The following RNF213 variants were observed in gnomAD, a reference collection of about 807,000 sequenced individuals.
RNF213 encodes the protein E3 ubiquitin-protein ligase RNF213.
RNF213 carries 341 observed loss-of-function variants against 514.4 expected under a neutral mutation model. The ratio of observed to expected loss-of-function variants is 0.66; its 90% confidence interval spans 0.61 to 0.73. RNF213 has a LOEUF of 0.73. Among genes scored for constraint, RNF213 ranks in the 30% least tolerant of loss-of-function variants. RNF213 has a pLI of 0.00. For missense variants in RNF213, 5,767 were observed against 6,615.6 expected, an observed-to-expected ratio of 0.87 and a Z score of 4.45; for synonymous variants, 2,655 against 2,658.2, an observed-to-expected ratio of 1.00 and a Z score of 0.04.
rs2144183698 is a variant in RNF213 at position 80,350,280 on chromosome 17, A to G, written c.10089-21A>G. ...TTTTTAAGACAGAGAACTCACTTGAATAACTTCCCTTTTCTTTCAGAAACT... is the reference window on the plus strand; with the variant it reads ...TTTTTAAGACAGAGAACTCACTTGAGTAACTTCCCTTTTCTTTCAGAAACT... On this transcript the variant is annotated intron_variant, in intron 30 of 67. Transcript: ENST00000582970. The G allele has an allele frequency of 2.1e-6, 3 of 1,440,280 alleles. No homozygotes were observed. The East Asian group carries it at 6.8e-5, about 33-fold the overall frequency. 89.2% of individuals were successfully genotyped at this position (1,440,280 alleles called of 1,614,324 possible). A position where few individuals can be genotyped will look rare whatever the true frequency, so the allele number is the denominator to read the frequency against.
chr17:80,398,239 A>C lies in RNF213; in HGVS notation c.*4741A>C, dbSNP rs551119119. 1 of 152,088 alleles carries C rather than the reference A, an allele frequency of 6.6e-6. No individual in the cohort carries two copies. Among genetic ancestry groups the C allele is most frequent in the African/African-American group, 2.4e-5 (1 of 41,404 alleles). 9.4% of individuals were successfully genotyped at this position (152,088 alleles called of 1,614,324 possible). On this transcript the variant is annotated 3_prime_UTR_variant, in exon 68 of 68. Transcript: ENST00000582970. ...TTTGGTTTTGATTTTGGTTTGGTGT[A>C]AACTGTAAAAGTGTGTGTGTGCCCT...
chr17:80,338,100 C>T, intron 25 of RNF213, 103 bp downstream of exon 25: 13 of 1,390,270 alleles, frequency 9.4e-6, no homozygotes, highest in Non-Finnish European at 1.3e-5. Context: ...TGGGATTTGA[C>T]TGATAAGAAG....
intron 23 of RNF213, chr17:80,336,729 T>A (rs1358558610): frequency 8.5e-6 from 3 of 351,708 alleles, no homozygotes; most frequent in East Asian, 7.5e-5. Flanking sequence ...TAGAATTTTT[T>A]ATCAGAAAAA....
rs186186109 is a variant in RNF213 at position 80,316,423 on chromosome 17, A to G, written c.2812-765A>G. The G allele has an allele frequency of 2.6e-5, 4 of 152,620 alleles. No individual in the cohort carries two copies. The South Asian group carries it at 6.2e-4, about 24-fold the overall frequency. 9.5% of individuals were successfully genotyped at this position (152,620 alleles called of 1,614,324 possible). On this transcript the variant is annotated intron_variant, in intron 15 of 67. Coordinates refer to ENST00000582970, the MANE Select transcript of RNF213 (RefSeq NM_001256071.3). ...TTCAAAACTGTCAACATGTTAAAAGAAAAAAGAAAAAAATGACCAGGGAAC... is the reference window on the plus strand; with the variant it reads ...TTCAAAACTGTCAACATGTTAAAAGGAAAAAGAAAAAAATGACCAGGGAAC...
chr17:80,389,105 T>C (rs1262954668), intron 64 of RNF213, 68 bp from the exon 65 acceptor site: 6 of 1,483,480 alleles, frequency 4.0e-6, no homozygotes, highest in Non-Finnish European at 5.6e-6. Context: ...GGCTCGGCTC[T>C]CTTACCAGGT....
Position 80,393,365 on chromosome 17 carries a change from G to A in RNF213, c.15491G>A (p.Ser5164Asn). 6.2e-7 allele frequency: 1 copy of A among 1,614,086 alleles called. No individual in the cohort carries two copies. The highest frequency in any genetic ancestry group is 8.5e-7 in the Non-Finnish European group (1 of 1,180,016). The stretch of plus-strand genomic sequence containing the variant: ...TTCAGCCTGAGAGACACTCTCGTAA[G>A]TTACATGCAAACTAAAGAAAGTGAA... Reference protein sequence around the residue: ...PQWSLRDTLVSYMQTKESEIL... With the variant: ...PQWSLRDTLVNYMQTKESEIL... The change falls in exon 68 of 68, where the codon AGT (serine) becomes AAT (asparagine). Residue 5164 changes from serine to asparagine, a missense_variant. Ser to Asn is a conservative substitution (Grantham distance 46). Coordinates refer to ENST00000582970, the MANE Select transcript of RNF213 (RefSeq NM_001256071.3).
At chr17:80,385,459 C>A in intron 60 of RNF213, 79 bp from the exon 61 acceptor site, 1 of 1,247,072 alleles carries the variant, frequency 8.0e-7, no homozygotes, top group South Asian at 1.2e-5. Flanking sequence ...GGGCTCTCGG[C>A]AGAGCATGTA....
At position 80,319,187 on chromosome 17, in the gene RNF213, C is replaced by T. The variant is rs1292550238; in HGVS notation, c.2902-3C>T. 1.2e-6 allele frequency: 2 copies of T among 1,614,116 alleles called. No homozygotes were observed. The highest frequency in any genetic ancestry group is 2.7e-5 in the African/African-American group (2 of 75,032). Reference sequence around the variant, plus strand: ...TGAAACCACCCCCCTTTGATTTTTGCAGGAGGAACCCCTCTCCCAGATCAC... The same window carrying T: ...TGAAACCACCCCCCTTTGATTTTTGTAGGAGGAACCCCTCTCCCAGATCAC... On this transcript the variant is annotated splice_region_variant and splice_polypyrimidine_tract_variant and intron_variant, in intron 16 of 67. Transcript: ENST00000582970.
intron 15 of RNF213, chr17:80,316,378 A>G (rs1401972912): frequency 6.6e-6 from 1 of 152,342 alleles, no homozygotes; most frequent in Non-Finnish European, 1.5e-5. Context: ...GACAGTTTAC[A>G]AAACAGTTGG....
rs747785477 is a variant in RNF213 at position 80,340,609 on chromosome 17, G to GTTTT, written c.5989+279_5989+282dup. Reference sequence around the variant, plus strand: ...AAACATCTCTGCAGTGTACTTTGTGGTTTTTTTTTTTTTTTTTTTTTTTTT... The same window carrying GTTTT: ...AAACATCTCTGCAGTGTACTTTGTGGTTTTTTTTTTTTTTTTTTTTTTTTTTTTT... On this transcript the variant is annotated intron_variant, in intron 26 of 67. Transcript: ENST00000582970. The GTTTT allele has an allele frequency of 2.7e-3, 352 of 129,998 alleles. 3 individuals are homozygous for GTTTT. Among genetic ancestry groups the GTTTT allele is most frequent in the Admixed American group, 0.01 (77 of 7,568 alleles). 8.1% of individuals were successfully genotyped at this position (129,998 alleles called of 1,614,324 possible). A position where few individuals can be genotyped will look rare whatever the true frequency, so the allele number is the denominator to read the frequency against.
chr17:80,323,011 TA>T (rs1158733462), intron 17 of RNF213, among the ~76,000 whole-genome samples: 1 of 152,256 alleles, frequency 6.6e-6, no homozygotes, highest in East Asian at 1.9e-4. Context: ...TTTATAGTTT[TA>T]GCTCTTACAT....
intron 59 of RNF213, among the ~76,000 whole-genome samples, chr17:80,384,470 TTGTC>T (rs1479606067): frequency 6.6e-6 from 1 of 152,190 alleles, no homozygotes; most frequent in East Asian, 1.9e-4. Flanking sequence ...CTACAACACA[TTGTC>T]TAAACATTTC....
chr17:80,267,824 C>CTT (rs71163943), intron 2 of RNF213, among the ~76,000 whole-genome samples: 3,946 of 144,920 alleles, frequency 0.027, 155 homozygotes, highest in African/African-American at 0.086. Context: ...ATTTTCTTTT[C>CTT]TTTTTTTTTT....
chr17:80,325,265 G>T (rs2046250041), intron 18 of RNF213, 67 bp downstream of exon 18: 2 of 1,431,858 alleles, frequency 1.4e-6, no homozygotes, highest in Non-Finnish European at 1.9e-6. Flanking sequence ...TGGGAAAGGT[G>T]GGAGGCAGAA....
chr17:80,380,464 C>A (rs2079946537), intron 55 of RNF213, among the ~76,000 whole-genome samples: 1 of 152,172 alleles, frequency 6.6e-6, no homozygotes, highest in African/African-American at 2.4e-5. Context: ...ACAATATGGA[C>A]ACCCATGGGA....
Position 80,360,126 on chromosome 17 carries a change from A to G in RNF213, c.11120A>G (p.Asn3707Ser). 1 of 1,614,154 alleles carries G rather than the reference A, an allele frequency of 6.2e-7. No homozygotes were observed. Among genetic ancestry groups the G allele is most frequent in the South Asian group, 1.1e-5 (1 of 91,080 alleles). ...ATGAACCTTTCCGAGAACGCTTCCA[A>G]CAACGTCCCTTTCAGCTGGAAAATC... ...NHMNLSENAS[N>S]NVPFSWKIKD... The change falls in exon 38 of 68, where the codon AAC becomes AGC. Residue 3707 changes from asparagine (N) to serine (S), a missense_variant. Around this residue, in one of 13 missense-constraint regions of RNF213, gnomAD observed 919 missense variants for 1,121.0 expected, o/e 0.82. Transcript: ENST00000582970.
intron 67 of RNF213, 63 bp downstream of exon 67, chr17:80,390,259 T>C (rs1225019226): frequency 7.9e-6 from 12 of 1,512,852 alleles, no homozygotes; most frequent in Non-Finnish European, 1.1e-5. Context: ...TCCTGTGATC[T>C]TCTATAGACA....
intron 35 of RNF213, 35 bp downstream of exon 35, chr17:80,354,201 C>A (rs777546634): frequency 3.7e-6 from 6 of 1,608,578 alleles, no homozygotes; most frequent in Middle Eastern, 2.1e-4. Flanking sequence ...CCCCTGCCCC[C>A]ACGTGGGCTC....
chr17:80,352,915 T>C (rs2144221651), intron 32 of RNF213, 25 bp from the exon 33 acceptor site: 2 of 1,613,798 alleles, frequency 1.2e-6, no homozygotes, highest in East Asian at 2.2e-5. Flanking sequence ...ACAAAGACAG[T>C]TGTGGGTGGC....
Sources: allele counts gnomAD v4.1 joint callset (sites outside exome capture counted in the v4.1 genomes callset), GRCh38; gene constraint gnomAD v4.1.1; regional missense constraint gnomAD v4.1.1; transcripts MANE v1.5; gene names NCBI Gene and HGNC (gene_info 2026-07-23, HGNC 2026-07-21).